RBFOX1: variants seen among roughly 807,000 people sequenced by gnomAD.
RBFOX1 encodes RNA binding fox-1 homolog 1.
In RBFOX1, 8 loss-of-function variants were observed where a neutral mutation model predicts 57.7. The observed-to-expected ratio is 0.14, with a 90% CI of 0.08 to 0.25. The LOEUF (loss-of-function observed/expected upper bound fraction) is 0.25, where lower values mean the gene tolerates loss of function less well. Among genes scored for constraint, RBFOX1 ranks in the 10% least tolerant of loss-of-function variants. The pLI, the probability that RBFOX1 is intolerant of heterozygous loss-of-function variation, is 1.00. For synonymous variants in RBFOX1, 326 were observed against 222.4 expected, an observed-to-expected ratio of 1.47 and a Z score of -4.15; for missense variants, 611 against 548.5, an observed-to-expected ratio of 1.11 and a Z score of -1.14.
intron 3 of RBFOX1, among the ~76,000 whole-genome samples, chr16:6,735,873 G>C (rs1417354793): frequency 6.6e-6 from 1 of 151,992 alleles, no homozygotes; most frequent in Non-Finnish European, 1.5e-5. Context: ...CTCCTTCTGA[G>C]ACCTCTGGAA....
intron 4 of RBFOX1, among the ~76,000 whole-genome samples, chr16:7,490,466 C>G (rs989257462): frequency 2.6e-5 from 4 of 152,166 alleles, no homozygotes; most frequent in African/African-American, 9.7e-5. Context: ...TTCCAGCCAG[C>G]CAGGCTGTCT....
intron 3 of RBFOX1, among the ~76,000 whole-genome samples, chr16:6,834,590 G>A (rs1350075153): frequency 6.6e-6 from 1 of 152,156 alleles, no homozygotes; most frequent in East Asian, 1.9e-4. Flanking sequence ...AAACCTTGCA[G>A]AAACTTGAAG....
rs762735864 is a variant in RBFOX1 at position 7,579,817 on chromosome 16, C to T, written c.311C>T (p.Thr104Ile). The T allele has an allele frequency of 3.7e-6, 6 of 1,614,118 alleles. No individual in the cohort carries two copies. Among genetic ancestry groups the T allele is most frequent in the Non-Finnish European group, 5.1e-6 (6 of 1,179,996 alleles). ...DAAPTDGQPQTQPSENTENKS... is the reference protein window; with the variant it reads ...DAAPTDGQPQIQPSENTENKS... The stretch of plus-strand genomic sequence containing the variant: ...GCACCGACGGATGGCCAGCCCCAGA[C>T]ACAACCTTCTGAAAACACGGAAAAC... Residue 104 changes from threonine to isoleucine, a missense_variant, in exon 6 of 16, where the codon ACA becomes ATA. Around this residue, in one of 3 missense-constraint regions of RBFOX1, gnomAD observed 245 missense variants for 159.1 expected, o/e 1.54. Transcript: ENST00000550418.
At chr16:6,935,195 A>T (rs113591093) in intron 3 of RBFOX1, among the ~76,000 whole-genome samples, 2 of 152,344 alleles carry the variant, frequency 1.3e-5, no homozygotes, top group African/African-American at 4.8e-5. Context: ...TGAGATAATA[A>T]TACATAGCTC....
chr16:6,913,430 T>C (rs990135343), intron 3 of RBFOX1, among the ~76,000 whole-genome samples: 1 of 152,052 alleles, frequency 6.6e-6, no homozygotes, highest in Non-Finnish European at 1.5e-5. Context: ...AGAACATCTT[T>C]CCTCTCATAT....
At chr16:7,627,332 G>T (rs11862929) in intron 10 of RBFOX1, among the ~76,000 whole-genome samples, 1 of 151,962 alleles carries the variant, frequency 6.6e-6, no homozygotes, top group African/African-American at 2.4e-5. Context: ...GAGGATTCCA[G>T]GCCAATAGGA....
At chr16:6,246,386 C>A (rs970097879) in intron 1 of RBFOX1, among the ~76,000 whole-genome samples, 2 of 152,148 alleles carry the variant, frequency 1.3e-5, no homozygotes, top group African/African-American at 4.8e-5. Flanking sequence ...ATCTTTTAAG[C>A]ATCATGATCT....
intron 10 of RBFOX1, among the ~76,000 whole-genome samples, chr16:7,625,850 C>G (rs1297001601): frequency 1.3e-5 from 2 of 152,122 alleles, no homozygotes; most frequent in Admixed American, 6.5e-5. Flanking sequence ...TATCAGAAAC[C>G]TTTGGATTCT....
intron 1 of RBFOX1, among the ~76,000 whole-genome samples, chr16:6,106,185 A>G (rs2096376180): frequency 6.6e-6 from 1 of 152,178 alleles, no homozygotes; most frequent in Non-Finnish European, 1.5e-5. Flanking sequence ...GGCCGGGCCC[A>G]GTAGCTCCTG....
intron 4 of RBFOX1, among the ~76,000 whole-genome samples, chr16:7,301,757 A>C (rs922689346): frequency 6.6e-6 from 1 of 152,166 alleles, no homozygotes; most frequent in Non-Finnish European, 1.5e-5. Flanking sequence ...AAAAAAAATA[A>C]AGGAAAGCAG....
intron 3 of RBFOX1, among the ~76,000 whole-genome samples, chr16:6,736,132 C>A (rs1263365131): frequency 2.0e-5 from 3 of 151,922 alleles, no homozygotes; most frequent in African/African-American, 7.2e-5. Context: ...CAATTTATGT[C>A]CATGTTGTTA....
At chr16:5,856,211 A>T (rs2057040614) in intron 3 of RBFOX1, among the ~76,000 whole-genome samples, 1 of 39,204 alleles carries the variant, frequency 2.6e-5, no homozygotes, top group Non-Finnish European at 5.8e-5. Context: ...ATATATACAT[A>T]TATATGTATA....
In RBFOX1 at chr16:6,772,754, T is replaced by C. The variant is rs529097428; in HGVS notation, c.-16+118104T>C. ...TATGTGTGGGTTTGGAGTGCATTTG[T>C]GTGTGTGTGCATATGTTGGGATGTG... On this transcript the variant is annotated intron_variant, in intron 3 of 15. Coordinates refer to ENST00000550418, the MANE Select transcript of RBFOX1 (RefSeq NM_018723.4). Among the ~76,000 whole-genome samples the C allele has an allele frequency of 7.9e-5, 12 of 151,164 alleles. No individual in the cohort carries two copies. The South Asian group carries it at 2.5e-3, about 32-fold the overall frequency.
chr16:7,009,314 C>A (rs867894258), intron 3 of RBFOX1, among the ~76,000 whole-genome samples: 1 of 148,214 alleles, frequency 6.7e-6, no homozygotes, highest in Non-Finnish European at 1.5e-5. Flanking sequence ...CCTTCTTTCT[C>A]TTTCTTTGTA....
intron 1 of RBFOX1, among the ~76,000 whole-genome samples, chr16:5,454,861 T>G (rs1401095688): frequency 5.3e-4 from 15 of 28,532 alleles, no homozygotes; most frequent in Middle Eastern, 0.011. Flanking sequence ...TTCTTTTCTT[T>G]CTTTCTTTCT....
At chr16:5,491,247 C>T (rs1407334686) in intron 2 of RBFOX1, among the ~76,000 whole-genome samples, 1 of 152,142 alleles carries the variant, frequency 6.6e-6, no homozygotes, top group Non-Finnish European at 1.5e-5. Flanking sequence ...GACGCCAGCA[C>T]CCACTTGAAG....
At chr16:6,565,615 C>T (rs548701866) in intron 2 of RBFOX1, among the ~76,000 whole-genome samples, 1 of 151,368 alleles carries the variant, frequency 6.6e-6, no homozygotes, top group South Asian at 2.1e-4. Context: ...CTACAGGAGC[C>T]TGCTACCACG....
intron 2 of RBFOX1, among the ~76,000 whole-genome samples, chr16:6,381,733 G>T (rs1193605144): frequency 6.6e-6 from 1 of 152,202 alleles, no homozygotes; most frequent in Non-Finnish European, 1.5e-5. Context: ...TTGGGCCGAT[G>T]TATGCCTGGG....
intron 1 of RBFOX1, among the ~76,000 whole-genome samples, chr16:6,239,513 TTC>T (rs1491077921): frequency 1.5e-3 from 132 of 87,778 alleles, no homozygotes; most frequent in Non-Finnish European, 1.7e-3. Context: ...TTTTTTTTTT[TTC>T]TGAGATAGAG....
Sources: gnomAD v4.1 joint callset for allele counts (sites outside exome capture counted in the v4.1 genomes callset) on GRCh38, gnomAD v4.1.1 for gene constraint, gnomAD v4.1.1 regional missense constraint, MANE v1.5 for transcripts, NCBI Gene and HGNC (gene_info 2026-07-23, HGNC 2026-07-21) for gene names.